NHS: variants seen among roughly 807,000 people sequenced by gnomAD.
The protein encoded by NHS is actin remodeling regulator NHS.
Under a neutral mutation model 72.5 loss-of-function variants are expected in NHS, and 5 were observed. The ratio of observed to expected loss-of-function variants is 0.07; its 90% CI spans 0.04 to 0.14. The LOEUF (loss-of-function observed/expected upper bound fraction) is 0.14, where lower values mean the gene tolerates loss of function less well. NHS is among the 10% of genes least tolerant of loss of function. The pLI is 1.00. For synonymous variants in NHS, 464 were observed against 547.7 expected, an observed-to-expected ratio of 0.85 and a Z score of 2.13; for missense variants, 1,072 against 1,355.7, an observed-to-expected ratio of 0.79 and a Z score of 3.29.
intron 1 of NHS, among the ~76,000 whole-genome samples, chrX:17,437,258 G>A (rs1181353573): frequency 9.0e-6 from 1 of 111,640 alleles, no homozygotes; most frequent in Non-Finnish European, 1.9e-5. Context: ...CCTGGTGCAA[G>A]CCCAAGCTTC....
At position 17,376,065 on chromosome X, in the gene NHS, C is replaced by T. The variant is rs1296022467; in HGVS notation, c.308C>T (p.Ala103Val). Residue 103 changes from alanine (A) to valine (V), a missense_variant, in exon 1 of 9, where the codon GCG becomes GTG. By Grantham distance (64) the Ala-to-Val change is moderately conservative. Coordinates refer to ENST00000676302, the MANE Select transcript of NHS (RefSeq NM_001291867.2). ...EESTAGIPEAAPAAGEASSAA... is the reference protein window; with the variant it reads ...EESTAGIPEAVPAAGEASSAA... ...AGCACGGCGGGGATCCCGGAGGCGG[C>T]GCCCGCAGCCGGCGAGGCGTCCTCG... 19 of 1,052,724 alleles carry T rather than the reference C, an allele frequency of 1.8e-5. No individual in the cohort carries two copies. The highest frequency in any genetic ancestry group is 2.3e-5 in the Non-Finnish European group (19 of 827,107). The allele number at this position is 1,052,724 out of a possible 1,213,427, so 86.8% of individuals were successfully genotyped here. A position where few individuals can be genotyped will look rare whatever the true frequency, so the allele number is the denominator to read the frequency against.
chrX:17,413,798 A>G lies in NHS; in HGVS notation c.565+37476A>G, dbSNP rs746410480. 9.8e-5 allele frequency among the ~76,000 whole-genome samples: 11 copies of G among 111,959 alleles called. No individual in the cohort carries two copies. The South Asian group carries it at 3.8e-3, about 38-fold the overall frequency. Reference sequence around the variant, plus strand: ...GCACCCCCAAAAAAAGCAGATAAACATAAACAAATCTTACTCTTCTACTTT... The same window carrying G: ...GCACCCCCAAAAAAAGCAGATAAACGTAAACAAATCTTACTCTTCTACTTT... On this transcript the variant is annotated intron_variant, in intron 1 of 8. Coordinates refer to ENST00000676302, the MANE Select transcript of NHS (RefSeq NM_001291867.2).
chrX:17,488,796 T>C (rs886408232), intron 1 of NHS, among the ~76,000 whole-genome samples: 2 of 111,991 alleles, frequency 1.8e-5, no homozygotes, highest in Non-Finnish European at 3.8e-5. Context: ...TCTTTCTTTC[T>C]TTTTTTAAAT....
intron 3 of NHS, among the ~76,000 whole-genome samples, chrX:17,710,152 A>G (rs2066321624): frequency 8.9e-6 from 1 of 112,510 alleles, no homozygotes; most frequent in Admixed American, 9.4e-5. Context: ...GCAAAGTCCC[A>G]GCAGGGCACA....
chrX:17,676,140 G>A (rs926217784), intron 1 of NHS, among the ~76,000 whole-genome samples: 4 of 111,931 alleles, frequency 3.6e-5, no homozygotes, highest in African/African-American at 9.7e-5. Flanking sequence ...GGCTCCATGC[G>A]CCATATTGGA....
At chrX:17,683,002 AAT>A (rs2066138901) in intron 1 of NHS, among the ~76,000 whole-genome samples, 1 of 111,449 alleles carries the variant, frequency 9.0e-6, no homozygotes, top group African/African-American at 3.3e-5. Flanking sequence ...AGTTTTCCTT[AAT>A]GTCTAAGTTA....
At chrX:17,651,918 T>G (rs143984953) in intron 1 of NHS, among the ~76,000 whole-genome samples, 2,362 of 112,633 alleles carry the variant, frequency 0.021, 52 homozygotes, top group African/African-American at 0.068. Context: ...GCAATACCAG[T>G]TAAAGGAAAT....
At chrX:17,398,287 A>G (rs980792268) in intron 1 of NHS, among the ~76,000 whole-genome samples, 4 of 111,749 alleles carry the variant, frequency 3.6e-5, no homozygotes, top group Admixed American at 9.5e-5. Context: ...TCATTTGAGG[A>G]AAAGGGTTGG....
chrX:17,540,586 G>A (rs2065257738), intron 1 of NHS, among the ~76,000 whole-genome samples: 1 of 112,142 alleles, frequency 8.9e-6, no homozygotes, highest in Admixed American at 9.4e-5. Context: ...TGATTTGGGT[G>A]GTGGAGAGAG....
intron 1 of NHS, among the ~76,000 whole-genome samples, chrX:17,644,276 T>A (rs1308849628): frequency 1.8e-5 from 2 of 111,523 alleles, no homozygotes; most frequent in African/African-American, 3.3e-5. Context: ...CACCTTGGAA[T>A]GATAATGCAT....
intron 1 of NHS, among the ~76,000 whole-genome samples, chrX:17,507,088 A>G (rs762478250): frequency 8.9e-5 from 10 of 112,487 alleles, no homozygotes; most frequent in Non-Finnish European, 1.9e-4. Context: ...TCTGGGTTGT[A>G]TTACAATCCC....
chrX:17,692,250 A>T, intron 2 of NHS, 85 bp from the exon 3 acceptor site: 1 of 1,080,647 alleles, frequency 9.3e-7, no homozygotes. Context: ...TTTTTTTTAC[A>T]GCCTTTTGCT....
At chrX:17,377,598 C>T (rs571766968) in intron 1 of NHS, among the ~76,000 whole-genome samples, 3 of 113,557 alleles carry the variant, frequency 2.6e-5, no homozygotes, top group South Asian at 7.1e-4. Context: ...GCACCTCTGC[C>T]CCACAGCCCA....
Position 17,734,890 on chromosome X carries a change from G to A in NHS, c.*2426G>A, listed in dbSNP as rs2066512343. 1 of 112,529 alleles carries A rather than the reference G, an allele frequency of 8.9e-6. No individual in the cohort carries two copies. 9.3% of individuals were successfully genotyped at this position (112,529 alleles called of 1,213,427 possible). A position where few individuals can be genotyped will look rare whatever the true frequency, so the allele number is the denominator to read the frequency against. ...TTTTGTGTAGTTAGGGGTTTTTTAA[G>A]TGTGAAGAAAGGTATGTGGGCTTTA... On this transcript the variant is annotated 3_prime_UTR_variant, in exon 9 of 9. Coordinates refer to ENST00000676302, the MANE Select transcript of NHS (RefSeq NM_001291867.2).
At chrX:17,617,907 G>A (rs955622140) in intron 1 of NHS, among the ~76,000 whole-genome samples, 2 of 112,082 alleles carry the variant, frequency 1.8e-5, no homozygotes, top group African/African-American at 6.5e-5. Context: ...CCCCAAATGA[G>A]CTTATTATCT....
chrX:17,447,035 G>T (rs2064784335), intron 1 of NHS, among the ~76,000 whole-genome samples: 1 of 111,303 alleles, frequency 9.0e-6, no homozygotes, highest in Non-Finnish European at 1.9e-5. Context: ...CTTTAATTTT[G>T]GCCTAAATGG....
rs143260960 is a variant in NHS, at chrX:17,722,820, G to A, written c.1108+1187G>A. 3.8e-3 allele frequency among the ~76,000 whole-genome samples: 421 copies of A among 110,816 alleles called. 1 individual carries two copies. The highest frequency in any genetic ancestry group is 3.3e-3 in the Non-Finnish European group (173 of 52,937). Reference sequence around the variant, plus strand: ...GGAAACCTCTGATTATTAGCAGCACGTGCTTTTTTCATGGCACTGTAAGTA... The same window carrying A: ...GGAAACCTCTGATTATTAGCAGCACATGCTTTTTTCATGGCACTGTAAGTA... On this transcript the variant is annotated intron_variant, in intron 5 of 8. Transcript: ENST00000676302.
chrX:17,558,862 T>C (rs1282633767), intron 1 of NHS, among the ~76,000 whole-genome samples: 1 of 112,349 alleles, frequency 8.9e-6, no homozygotes, highest in Non-Finnish European at 1.9e-5. Context: ...TCTTCATAAT[T>C]TCTCATTTGA....
chrX:17,498,611 T>C (rs1041597732), intron 1 of NHS, among the ~76,000 whole-genome samples: 9 of 111,491 alleles, frequency 8.1e-5, no homozygotes, highest in African/African-American at 2.9e-4. Context: ...ACACAAGCCT[T>C]GTTGCTATGA....
Sources: gnomAD v4.1 joint callset for allele counts (sites outside exome capture counted in the v4.1 genomes callset) on GRCh38, gnomAD v4.1.1 for gene constraint, MANE v1.5 for transcripts, NCBI Gene and HGNC (gene_info 2026-07-23, HGNC 2026-07-21) for gene names.